The following CDH12 variants were observed in gnomAD, a reference collection of about 807,000 sequenced individuals.
The protein encoded by CDH12 is cadherin-12.
A neutral mutation model predicts 74.1 loss-of-function variants in CDH12; 41 were observed. The observed-to-expected ratio is 0.55, with a 90% CI of 0.43 to 0.72. The LOEUF is 0.72. Among genes scored for constraint, CDH12 ranks in the 30% least tolerant of loss-of-function variants. The probability of loss-of-function intolerance (pLI) is 0.00; values close to 1 mark genes in which losing one functional copy is unlikely to be tolerated. For missense variants in CDH12, 945 were observed against 977.2 expected (o/e 0.97, Z 0.44); for synonymous variants, 399 against 355.0 (o/e 1.12, Z -1.39).
intron 4 of CDH12, among the ~76,000 whole-genome samples, chr5:22,153,864 ATATATATG>A (rs1393826630): frequency 2.9e-5 from 2 of 69,178 alleles, no homozygotes; most frequent in African/African-American, 9.5e-5. Flanking sequence ...GTGTGTATAT[ATATATATG>A]TATATATATA....
chr5:22,839,528 T>C (rs1293981513), intron 1 of CDH12, among the ~76,000 whole-genome samples: 1 of 151,968 alleles, frequency 6.6e-6, no homozygotes, highest in Non-Finnish European at 1.5e-5. Context: ...GCTAATTTTT[T>C]ACATTTTTAG....
At chr5:21,832,987 T>A (rs1243420393) in intron 8 of CDH12, among the ~76,000 whole-genome samples, 1 of 89,318 alleles carries the variant, frequency 1.1e-5, no homozygotes, top group Non-Finnish European at 2.0e-5. Flanking sequence ...ATATATAATA[T>A]CATATATTAA....
At chr5:22,029,558 A>G (rs1366378040) in intron 5 of CDH12, among the ~76,000 whole-genome samples, 18 of 152,006 alleles carry the variant, frequency 1.2e-4, no homozygotes, top group Non-Finnish European at 2.2e-4. Flanking sequence ...CAAAACCACA[A>G]TGAGATACCA....
Position 21,890,137 on chromosome 5 carries a change from G to A in CDH12, c.527-35347C>T, listed in dbSNP as rs371887993. ...GTAGTAAATACAGTTGTGCGTGGGT[G>A]TATGTGTATGTCTTACTTGTATTTC... On this transcript the variant is annotated intron_variant, in intron 6 of 14. Transcript: ENST00000382254. 2.0e-5 allele frequency among the ~76,000 whole-genome samples: 3 copies of A among 152,098 alleles called. No homozygotes were observed. The South Asian group carries it at 6.2e-4, about 31-fold the overall frequency.
chr5:22,065,741 G>A (rs1370247408), intron 5 of CDH12, among the ~76,000 whole-genome samples: 4 of 152,122 alleles, frequency 2.6e-5, no homozygotes, highest in African/African-American at 4.8e-5. Flanking sequence ...CTGCTGAATT[G>A]GGAAATGTAA....
intron 6 of CDH12, among the ~76,000 whole-genome samples, chr5:21,866,697 A>G (rs1223929439): frequency 6.6e-6 from 1 of 152,214 alleles, no homozygotes; most frequent in Admixed American, 6.5e-5. Flanking sequence ...GCAGCCTGAC[A>G]ATGTGATAGA....
intron 5 of CDH12, among the ~76,000 whole-genome samples, chr5:22,020,554 C>CA (rs113531853): frequency 3.1e-3 from 357 of 114,228 alleles, no homozygotes; most frequent in African/African-American, 7.1e-3. Flanking sequence ...GACTTCGTTT[C>CA]AAAAAAAAAA....
rs573271210 is a variant in CDH12 at position 22,654,201 on chromosome 5, T to C, written c.-522-148837A>G. On this transcript the variant is annotated intron_variant, in intron 1 of 14. Transcript: ENST00000382254. ...TTCTTCTTTCTTTCTTTCTTTCTTTTCTTTCTTTCTTTCTTTTTGTTTCTT... is the reference window on the plus strand; with the variant it reads ...TTCTTCTTTCTTTCTTTCTTTCTTTCCTTTCTTTCTTTCTTTTTGTTTCTT... Among the ~76,000 whole-genome samples the C allele has an allele frequency of 2.6e-5, 4 of 151,458 alleles. No homozygotes were observed. In the South Asian group the frequency reaches 8.4e-4, roughly 32 times the overall value.
intron 1 of CDH12, among the ~76,000 whole-genome samples, chr5:22,779,142 G>C (rs1747260470): frequency 6.6e-6 from 1 of 152,040 alleles, no homozygotes; most frequent in Non-Finnish European, 1.5e-5. Context: ...GTACAACTAA[G>C]TTTTTCTCTA....
At chr5:22,334,959 C>T (rs781267899) in intron 3 of CDH12, among the ~76,000 whole-genome samples, 1 of 152,100 alleles carries the variant, frequency 6.6e-6, no homozygotes, top group African/African-American at 2.4e-5. Flanking sequence ...GAGTAATACC[C>T]CATAACACAG....
chr5:22,113,773 A>C (rs751888738), intron 4 of CDH12, among the ~76,000 whole-genome samples: 16 of 152,190 alleles, frequency 1.1e-4, no homozygotes, highest in Non-Finnish European at 2.1e-4. Flanking sequence ...TCTAATAAAT[A>C]TCAAAATAGA....
At chr5:22,500,255 T>A (rs1236185886) in intron 2 of CDH12, among the ~76,000 whole-genome samples, 1 of 152,202 alleles carries the variant, frequency 6.6e-6, no homozygotes, top group Non-Finnish European at 1.5e-5. Flanking sequence ...TTTTCAAATA[T>A]AAACAATTAG....
intron 1 of CDH12, among the ~76,000 whole-genome samples, chr5:22,644,028 C>T (rs976103232): frequency 5.3e-5 from 8 of 152,018 alleles, no homozygotes; most frequent in African/African-American, 1.9e-4. Flanking sequence ...GTCTGCTCTT[C>T]TCCCTGTTCT....
chr5:21,898,645 TGAGCTGAG>T (rs1345687464), intron 6 of CDH12, among the ~76,000 whole-genome samples: 1 of 152,008 alleles, frequency 6.6e-6, no homozygotes, highest in Non-Finnish European at 1.5e-5. Flanking sequence ...GAGGTTGAAA[TGAGCTGAG>T]ATCGCGCCAC....
At chr5:21,876,823 G>A (rs1316497490) in intron 6 of CDH12, among the ~76,000 whole-genome samples, 1 of 152,102 alleles carries the variant, frequency 6.6e-6, no homozygotes, top group Non-Finnish European at 1.5e-5. Flanking sequence ...ACTTTATGTT[G>A]CCTCAATATA....
intron 1 of CDH12, among the ~76,000 whole-genome samples, chr5:22,852,558 A>T (rs866294810): frequency 6.6e-6 from 1 of 152,168 alleles, no homozygotes; most frequent in Non-Finnish European, 1.5e-5. Context: ...GGCCATTAAA[A>T]CATTTAAATG....
intron 3 of CDH12, among the ~76,000 whole-genome samples, chr5:22,331,569 C>A (rs190355998): frequency 2.6e-5 from 4 of 152,142 alleles, no homozygotes; most frequent in African/African-American, 4.8e-5. Flanking sequence ...AGGACAGGCA[C>A]AAATAAGCCC....
At chr5:22,679,408 A>G (rs1300281764) in intron 1 of CDH12, among the ~76,000 whole-genome samples, 1 of 152,130 alleles carries the variant, frequency 6.6e-6, no homozygotes, top group African/African-American at 2.4e-5. Context: ...CTTTCACTAC[A>G]TAGTTATAAT....
At chr5:22,654,894 G>A (rs760455050) in intron 1 of CDH12, among the ~76,000 whole-genome samples, 2 of 152,096 alleles carry the variant, frequency 1.3e-5, no homozygotes, top group East Asian at 1.9e-4. Context: ...GCCTCTCAAC[G>A]TGCTGGGAAT....
Sources: gnomAD v4.1 joint callset for allele counts (sites outside exome capture counted in the v4.1 genomes callset) on GRCh38, gnomAD v4.1.1 for gene constraint, MANE v1.5 for transcripts, NCBI Gene and HGNC (gene_info 2026-07-23, HGNC 2026-07-21) for gene names.